Variants in NCOA1 observed in about 807,000 individuals in gnomAD.
The protein encoded by NCOA1 is nuclear receptor coactivator 1.
In NCOA1, 35 loss-of-function variants were observed where a neutral mutation model predicts 150.9. That is an observed-to-expected ratio of 0.23 (90% CI 0.18 to 0.31). The LOEUF (loss-of-function observed/expected upper bound fraction) is 0.31, where lower values mean the gene tolerates loss of function less well. Ranked by LOEUF, NCOA1 falls within the 10% of genes least tolerant of loss-of-function variation. The pLI is 1.00. For synonymous variants in NCOA1, 590 were observed against 630.0 expected (o/e 0.94, Z 0.95); for missense variants, 1,491 against 1,749.3 (o/e 0.85, Z 2.63).
rs552124306 is a variant in NCOA1 at position 24,596,629 on chromosome 2, G to A, written c.-175+12069G>A. ...GTTTCACATTGTAAACCTAGATCCTGAATTTTTATATTTAGTAATATAAGA... is the reference window on the plus strand; with the variant it reads ...GTTTCACATTGTAAACCTAGATCCTAAATTTTTATATTTAGTAATATAAGA... On this transcript the variant is annotated intron_variant, in intron 3 of 22. Coordinates refer to ENST00000348332, the MANE Select transcript of NCOA1 (RefSeq NM_003743.5). Among the ~76,000 whole-genome samples, 7 of 152,210 alleles carry A rather than the reference G, an allele frequency of 4.6e-5. No homozygotes were observed. The East Asian group carries it at 7.7e-4, about 17-fold the overall frequency.
In NCOA1 at chr2:24,576,379, C is replaced by T. The variant is rs1408201628; in HGVS notation, c.-259-8097C>T. On this transcript the variant is annotated intron_variant, in intron 2 of 22. Coordinates refer to ENST00000348332, the MANE Select transcript of NCOA1 (RefSeq NM_003743.5). ...CCCACTAAGTGTCAATCTTTGTGAC[C>T]TCAACTCTTTGAGACTGTAAGGTTC... 2.6e-5 allele frequency among the ~76,000 whole-genome samples: 4 copies of T among 151,894 alleles called. No homozygotes were observed. The East Asian group carries it at 7.7e-4, about 29-fold the overall frequency.
chr2:24,733,359 T>C (rs1663118168), intron 17 of NCOA1, among the ~76,000 whole-genome samples: 1 of 152,070 alleles, frequency 6.6e-6, no homozygotes, highest in Non-Finnish European at 1.5e-5. Flanking sequence ...ATTAGCGCAC[T>C]AAAAATTAAG....
At chr2:24,629,363 CTT>C (rs1312941068) in intron 3 of NCOA1, among the ~76,000 whole-genome samples, 2 of 151,626 alleles carry the variant, frequency 1.3e-5, no homozygotes, top group Non-Finnish European at 2.9e-5. Flanking sequence ...GATATACAGA[CTT>C]GTAAACACAC....
At chr2:24,719,766 C>T (rs1439564509) in intron 14 of NCOA1, among the ~76,000 whole-genome samples, 1 of 152,058 alleles carries the variant, frequency 6.6e-6, no homozygotes, top group Admixed American at 6.6e-5. Context: ...CTGGCGAATC[C>T]TCTAGAAAGG....
intron 3 of NCOA1, among the ~76,000 whole-genome samples, chr2:24,619,097 CA>C (rs375776100): frequency 1.4e-4 from 22 of 152,280 alleles, no homozygotes; most frequent in African/African-American, 5.1e-4. Flanking sequence ...CTGCTATAGT[CA>C]ACAATTAACA....
intron 3 of NCOA1, among the ~76,000 whole-genome samples, chr2:24,585,109 G>C (rs778530555): frequency 2.0e-5 from 3 of 152,096 alleles, no homozygotes; most frequent in Non-Finnish European, 4.4e-5. Context: ...CTCATTGTCA[G>C]CAAGTGAGCA....
At chr2:24,763,043 G>A (rs1457225536) in intron 22 of NCOA1, among the ~76,000 whole-genome samples, 1 of 152,174 alleles carries the variant, frequency 6.6e-6, no homozygotes, top group East Asian at 1.9e-4. Context: ...TGCTTAGATA[G>A]GATAAAGTGA....
At chr2:24,744,295 A>G (rs943987957) in intron 19 of NCOA1, among the ~76,000 whole-genome samples, 1 of 152,230 alleles carries the variant, frequency 6.6e-6, no homozygotes. Context: ...CATTCATACT[A>G]CAAACAAAAC....
chr2:24,767,194 A>T (rs1325095143), intron 22 of NCOA1, among the ~76,000 whole-genome samples: 3 of 152,194 alleles, frequency 2.0e-5, no homozygotes, highest in Admixed American at 6.5e-5. Context: ...AAAGTTTTTT[A>T]AAAAGCTGAG....
At chr2:24,677,591 T>A (rs149761850) in intron 7 of NCOA1, among the ~76,000 whole-genome samples, 1,783 of 152,140 alleles carry the variant, frequency 0.012, 21 homozygotes, top group East Asian at 0.058. Context: ...GCCCGGCTAA[T>A]TTTTGTATTT....
chr2:24,696,439 G>A (rs1164921777), intron 10 of NCOA1, among the ~76,000 whole-genome samples: 1 of 152,150 alleles, frequency 6.6e-6, no homozygotes, highest in Non-Finnish European at 1.5e-5. Context: ...ACCACAATGA[G>A]ATAGCATTTT....
intron 16 of NCOA1, among the ~76,000 whole-genome samples, chr2:24,728,919 C>G (rs1443163121): frequency 6.6e-6 from 1 of 152,204 alleles, no homozygotes; most frequent in Non-Finnish European, 1.5e-5. Context: ...TATGAGAATG[C>G]ATAGCCCATA....
chr2:24,646,895 G>A (rs1197653926), intron 4 of NCOA1, among the ~76,000 whole-genome samples: 1 of 151,718 alleles, frequency 6.6e-6, no homozygotes, highest in African/African-American at 2.4e-5. Flanking sequence ...ATAAACTTTG[G>A]AACAAAAATT....
At chr2:24,587,104 A>G (rs575839633) in intron 3 of NCOA1, among the ~76,000 whole-genome samples, 38 of 151,630 alleles carry the variant, frequency 2.5e-4, no homozygotes, top group Admixed American at 5.9e-4. Flanking sequence ...CAGAGAAGAA[A>G]AAAAAAAAAA....
Position 24,708,647 on chromosome 2 carries a change from T to C in NCOA1, c.2418+759T>C, listed in dbSNP as rs538865644. Among the ~76,000 whole-genome samples, 8 of 152,262 alleles carry C rather than the reference T, an allele frequency of 5.3e-5. No individual in the cohort carries two copies. The East Asian group carries it at 1.5e-3, about 29-fold the overall frequency. On this transcript the variant is annotated intron_variant, in intron 13 of 22. Transcript: ENST00000348332. ...GCTTTCACCTTATTTAGAGACAGAA[T>C]ATAGACATTCATTAATCAGCAGACA...
intron 1 of NCOA1, among the ~76,000 whole-genome samples, chr2:24,550,377 A>G (rs1665776553): frequency 6.6e-6 from 1 of 152,188 alleles, no homozygotes; most frequent in African/African-American, 2.4e-5. Flanking sequence ...ATGGACTTAC[A>G]TTTCCACGTG....
chr2:24,522,747 T>A (rs1664468715), intron 1 of NCOA1, among the ~76,000 whole-genome samples: 1 of 152,196 alleles, frequency 6.6e-6, no homozygotes, highest in South Asian at 2.1e-4. Context: ...AAAGATGAAG[T>A]AAAAATTTAA....
intron 19 of NCOA1, among the ~76,000 whole-genome samples, chr2:24,751,245 C>CACTTT (rs1664221884): frequency 6.7e-6 from 1 of 150,202 alleles, no homozygotes; most frequent in Non-Finnish European, 1.5e-5. Flanking sequence ...GGATTACAGG[C>CACTTT]GTGAGCCACA....
intron 3 of NCOA1, among the ~76,000 whole-genome samples, chr2:24,600,236 T>G (rs1008042088): frequency 1.3e-5 from 2 of 152,204 alleles, no homozygotes; most frequent in African/African-American, 4.8e-5. Context: ...AGGGTCTGGC[T>G]CTGTCGCCCA....
Sources: gnomAD v4.1 joint callset for allele counts (sites outside exome capture counted in the v4.1 genomes callset) on GRCh38, gnomAD v4.1.1 for gene constraint, MANE v1.5 for transcripts, NCBI Gene and HGNC (gene_info 2026-07-23, HGNC 2026-07-21) for gene names.